MDFIC2: variants seen among roughly 807,000 people sequenced by gnomAD.
MDFIC2 encodes myoD family inhibitor domain-containing protein 2.
At chr3:70,251,398 A>G (rs1701766868) in intron 2 of MDFIC2, among the ~76,000 whole-genome samples, 1 of 152,214 alleles carries the variant, frequency 6.6e-6, no homozygotes, top group Non-Finnish European at 1.5e-5. Flanking sequence ...CTGACTATGC[A>G]TCCCAAGATT....
At chr3:70,288,453 T>C (rs940013055) in intron 2 of MDFIC2, among the ~76,000 whole-genome samples, 4 of 151,366 alleles carry the variant, frequency 2.6e-5, no homozygotes, top group Admixed American at 2.6e-4. Context: ...TTCTTTTGCA[T>C]TTGCTGAGGA....
chr3:70,236,601 A>G (rs1314152585), intron 2 of MDFIC2, among the ~76,000 whole-genome samples: 1 of 151,902 alleles, frequency 6.6e-6, no homozygotes, highest in Non-Finnish European at 1.5e-5. Context: ...TTACTAGAAA[A>G]CTTTTTTTTT....
chr3:70,296,486 C>A (rs1702289923), intron 2 of MDFIC2, among the ~76,000 whole-genome samples: 1 of 152,104 alleles, frequency 6.6e-6, no homozygotes, highest in Non-Finnish European at 1.5e-5. Flanking sequence ...CATTGGTTAA[C>A]ATAATTTTCC....
intron 2 of MDFIC2, among the ~76,000 whole-genome samples, chr3:70,241,695 T>C (rs1343269411): frequency 2.0e-5 from 3 of 152,324 alleles, no homozygotes; most frequent in Non-Finnish European, 4.4e-5. Flanking sequence ...TGTTCAATCA[T>C]GTCCTGCTGT....
At chr3:70,301,789 T>G (rs1702351041) in intron 2 of MDFIC2, among the ~76,000 whole-genome samples, 1 of 152,218 alleles carries the variant, frequency 6.6e-6, no homozygotes, top group South Asian at 2.1e-4. Flanking sequence ...ATTCAAGATA[T>G]TGAACATAAA....
chr3:70,285,101 C>T (rs1469809827), intron 2 of MDFIC2, among the ~76,000 whole-genome samples: 1 of 150,302 alleles, frequency 6.7e-6, no homozygotes, highest in African/African-American at 2.5e-5. Context: ...TACATGTGCA[C>T]ATTGTGCAGG....
rs1559551578 is a variant in MDFIC2, at chr3:70,276,056, A to G, written c.88+35830T>C. On this transcript the variant is annotated intron_variant, in intron 2 of 3. Transcript: ENST00000567252. ...TTTCAAACTTTAAAAAAAAGTATAT[A>G]TACTCTTTTTAACAAAATACAATTA... 2.0e-5 allele frequency among the ~76,000 whole-genome samples: 3 copies of G among 152,264 alleles called. No homozygotes were observed. The East Asian group carries it at 5.8e-4, about 29-fold the overall frequency.
At chr3:70,230,151 C>T (rs952083510) in intron 2 of MDFIC2, among the ~76,000 whole-genome samples, 2 of 152,146 alleles carry the variant, frequency 1.3e-5, no homozygotes, top group Admixed American at 1.3e-4. Flanking sequence ...AAATTGAAAT[C>T]CATGCTATCA....
intron 2 of MDFIC2, among the ~76,000 whole-genome samples, chr3:70,248,237 A>G (rs193065390): frequency 8.7e-4 from 133 of 152,222 alleles, no homozygotes; most frequent in Non-Finnish European, 1.6e-3. Flanking sequence ...AACATAGTAT[A>G]TTGTATAGAT....
intron 2 of MDFIC2, among the ~76,000 whole-genome samples, chr3:70,279,611 G>T (rs1181184011): frequency 6.6e-6 from 1 of 152,122 alleles, no homozygotes. Context: ...TGAAGGCTCA[G>T]ATTTGCGTTG....
intron 2 of MDFIC2, among the ~76,000 whole-genome samples, chr3:70,286,298 C>T (rs370605005): frequency 0.083 from 12,691 of 152,112 alleles, 627 homozygotes; most frequent in African/African-American, 0.14. Flanking sequence ...TTTCCCAGCA[C>T]CGTTTATTAA....
chr3:70,212,081 A>G (rs1345284942), intron 2 of MDFIC2, among the ~76,000 whole-genome samples: 1 of 151,986 alleles, frequency 6.6e-6, no homozygotes, highest in Non-Finnish European at 1.5e-5. Flanking sequence ...CCACACTCAC[A>G]TCGTCATTGA....
intron 2 of MDFIC2, among the ~76,000 whole-genome samples, chr3:70,303,678 C>CTTTAT (rs948325940): frequency 2.0e-5 from 3 of 151,956 alleles, no homozygotes. Context: ...TTTGATAGTT[C>CTTTAT]TTTATTTTAT....
chr3:70,228,538 T>C (rs766596538), intron 2 of MDFIC2, among the ~76,000 whole-genome samples: 3 of 152,052 alleles, frequency 2.0e-5, no homozygotes, highest in Non-Finnish European at 1.5e-5. Flanking sequence ...CTTTGTTTGT[T>C]TGTTTGTTTT....
chr3:70,242,892 G>A (rs983777621), intron 2 of MDFIC2, among the ~76,000 whole-genome samples: 2 of 152,208 alleles, frequency 1.3e-5, no homozygotes, highest in African/African-American at 4.8e-5. Flanking sequence ...CCAGGGAGGG[G>A]TTTGGTGGCA....
intron 2 of MDFIC2, among the ~76,000 whole-genome samples, chr3:70,280,747 C>A (rs1466276584): frequency 2.6e-5 from 4 of 152,138 alleles, no homozygotes; most frequent in African/African-American, 9.7e-5. Flanking sequence ...GTTTCCCCCG[C>A]CTTTCTGTGT....
intron 2 of MDFIC2, among the ~76,000 whole-genome samples, chr3:70,304,569 T>C (rs141704362): frequency 6.6e-6 from 1 of 152,110 alleles, no homozygotes; most frequent in South Asian, 2.1e-4. Flanking sequence ...ATTCCTTTCT[T>C]TGTATCACCC....
chr3:70,270,159 A>G lies in MDFIC2; in HGVS notation c.88+41727T>C, dbSNP rs564556881. ...AATGTTTGATTATTTTGAAATTTGG[A>G]ATACGTAGACAAGTAGAATAGACTA... On this transcript the variant is annotated intron_variant, in intron 2 of 3. Transcript: ENST00000567252. 7.2e-5 allele frequency among the ~76,000 whole-genome samples: 11 copies of G among 152,316 alleles called. No homozygotes were observed. In the South Asian group the frequency reaches 2.3e-3, roughly 32 times the overall value.
chr3:70,300,128 T>C (rs1009989745), intron 2 of MDFIC2, among the ~76,000 whole-genome samples: 1 of 152,146 alleles, frequency 6.6e-6, no homozygotes, highest in African/African-American at 2.4e-5. Context: ...CTGAATCGCA[T>C]ATCTTCTTTG....
Sources: allele counts gnomAD v4.1 joint callset (sites outside exome capture counted in the v4.1 genomes callset), GRCh38; gene constraint gnomAD v4.1.1; transcripts MANE v1.5; gene names NCBI Gene and HGNC (gene_info 2026-07-23, HGNC 2026-07-21).